HMCN1: variants seen among roughly 807,000 people sequenced by gnomAD.
HMCN1 encodes the protein hemicentin-1.
A neutral mutation model predicts 625.9 loss-of-function variants in HMCN1; 321 were observed. The observed-to-expected ratio is 0.51, with a 90% CI of 0.47 to 0.56. The LOEUF is 0.56. Ranked by LOEUF, HMCN1 falls within the 20% of genes least tolerant of loss-of-function variation. The probability of loss-of-function intolerance (pLI) is 0.00; values close to 1 mark genes in which losing one functional copy is unlikely to be tolerated. For missense variants in HMCN1, 6,588 were observed against 6,887.3 expected (o/e 0.96, Z 1.54); for synonymous variants, 2,425 against 2,417.6 (o/e 1.00, Z -0.09).
At chr1:186,009,778 C>CAGG (rs1286854439) in intron 30 of HMCN1, among the ~76,000 whole-genome samples, 1 of 152,062 alleles carries the variant, frequency 6.6e-6, no homozygotes, top group Non-Finnish European at 1.5e-5. Flanking sequence ...AATATCCTAT[C>CAGG]AGGAGATTGT....
chr1:186,171,979 C>G (rs1293732709), intron 101 of HMCN1, 27 bp from the exon 102 acceptor site: 2 of 1,607,666 alleles, frequency 1.2e-6, no homozygotes, highest in South Asian at 2.2e-5. Context: ...TTTTCTTAAT[C>G]TACATTACCT....
chr1:186,097,280 A>C (rs1419833604), intron 68 of HMCN1, among the ~76,000 whole-genome samples: 2 of 152,168 alleles, frequency 1.3e-5, no homozygotes, highest in African/African-American at 2.4e-5. Flanking sequence ...AATCCCATTT[A>C]CTGTCAGCCC....
At position 186,136,651 on chromosome 1, in the gene HMCN1, T is replaced by C. The variant is rs1649623544; in HGVS notation, c.13313-17T>C. On this transcript the variant is annotated splice_polypyrimidine_tract_variant and intron_variant, in intron 86 of 106. Coordinates refer to ENST00000271588, the MANE Select transcript of HMCN1 (RefSeq NM_031935.3). ...TAACTCCACAAAAACTGAGACACTA[T>C]GTGCTTTTTTCCGTAGGTCCTCCTA... 1.2e-6 allele frequency: 2 copies of C among 1,613,262 alleles called. No individual in the cohort carries two copies. The highest frequency in any genetic ancestry group is 1.7e-6 in the Non-Finnish European group (2 of 1,179,420).
chr1:186,021,310 T>C (rs574142184), intron 35 of HMCN1, among the ~76,000 whole-genome samples: 34 of 151,966 alleles, frequency 2.2e-4, no homozygotes, highest in African/African-American at 7.2e-4. Context: ...AGGGACAAGT[T>C]TGAGGTGAGA....
intron 1 of HMCN1, among the ~76,000 whole-genome samples, chr1:185,843,468 G>A (rs1010734629): frequency 6.6e-6 from 1 of 152,194 alleles, no homozygotes; most frequent in Admixed American, 6.5e-5. Flanking sequence ...GGCAGGAAGA[G>A]AGGACAAAGT....
intron 71 of HMCN1, among the ~76,000 whole-genome samples, chr1:186,110,116 G>A (rs572009446): frequency 3.9e-5 from 6 of 152,218 alleles, no homozygotes; most frequent in Admixed American, 2.0e-4. Flanking sequence ...AGAAGAGATT[G>A]TAGAAATCAT....
At chr1:186,093,080 T>C (rs900847975) in intron 64 of HMCN1, 54 bp from the exon 65 acceptor site, 2 of 1,609,764 alleles carry the variant, frequency 1.2e-6, no homozygotes, top group African/African-American at 1.3e-5. Context: ...TTCATGTACT[T>C]AGTGAAATAG....
At chr1:185,884,152 A>G (rs1664487759) in intron 4 of HMCN1, among the ~76,000 whole-genome samples, 1 of 151,770 alleles carries the variant, frequency 6.6e-6, no homozygotes, top group Admixed American at 6.6e-5. Flanking sequence ...GCCTCCTCTA[A>G]TTTCACCATG....
Position 185,953,382 on chromosome 1 carries a change from G to A in HMCN1, c.1829-9136G>A, listed in dbSNP as rs1037811630. On this transcript the variant is annotated intron_variant, in intron 11 of 106. Coordinates refer to ENST00000271588, the MANE Select transcript of HMCN1 (RefSeq NM_031935.3). ...AACGTGGGTGAATGATCAGAGAGGCGTCCCTGCAATGATTAAACACCAGGG... is the reference window on the plus strand; with the variant it reads ...AACGTGGGTGAATGATCAGAGAGGCATCCCTGCAATGATTAAACACCAGGG... 1.8e-4 allele frequency among the ~76,000 whole-genome samples: 27 copies of A among 151,986 alleles called. 1 individual carries two copies. Among genetic ancestry groups the A allele is most frequent in the Non-Finnish European group, 2.2e-4 (15 of 67,998 alleles).
chr1:185,749,846 G>C (rs923467125), intron 1 of HMCN1, among the ~76,000 whole-genome samples: 2 of 152,008 alleles, frequency 1.3e-5, no homozygotes, highest in African/African-American at 4.8e-5. Context: ...AAGCATATTG[G>C]CCTCTTTATT....
At chr1:186,105,895 G>T (rs1660586677) in intron 69 of HMCN1, among the ~76,000 whole-genome samples, 1 of 152,174 alleles carries the variant, frequency 6.6e-6, no homozygotes, top group African/African-American at 2.4e-5. Flanking sequence ...AGATTTTAAA[G>T]ATATGATGAG....
At chr1:185,873,614 A>C (rs1440519076) in intron 4 of HMCN1, among the ~76,000 whole-genome samples, 1 of 152,026 alleles carries the variant, frequency 6.6e-6, no homozygotes, top group African/African-American at 2.4e-5. Context: ...TTATATATTT[A>C]ATTTTAAGAT....
At chr1:186,101,662 T>G (rs958052634) in intron 68 of HMCN1, among the ~76,000 whole-genome samples, 2 of 152,092 alleles carry the variant, frequency 1.3e-5, no homozygotes, top group African/African-American at 4.8e-5. Flanking sequence ...GGGTTTGAAC[T>G]ACACAAGAGC....
intron 68 of HMCN1, among the ~76,000 whole-genome samples, chr1:186,102,736 T>G (rs1571354789): frequency 6.6e-6 from 1 of 152,132 alleles, no homozygotes; most frequent in Non-Finnish European, 1.5e-5. Flanking sequence ...TGTCAAATAG[T>G]AAGCTGGAAA....
chr1:185,954,623 G>C (rs556946136), intron 11 of HMCN1, among the ~76,000 whole-genome samples: 24 of 152,194 alleles, frequency 1.6e-4, no homozygotes, highest in African/African-American at 5.8e-4. Context: ...ATCTAAAAAT[G>C]TATGACCCCA....
chr1:185,896,524 T>C (rs1665499199), intron 4 of HMCN1, among the ~76,000 whole-genome samples: 1 of 152,224 alleles, frequency 6.6e-6, no homozygotes, highest in Non-Finnish European at 1.5e-5. Context: ...ATTTTACATG[T>C]TTACATAGAA....
chr1:186,090,527 A>T (rs1402070467), intron 63 of HMCN1, among the ~76,000 whole-genome samples: 1 of 152,006 alleles, frequency 6.6e-6, no homozygotes, highest in African/African-American at 2.4e-5. Flanking sequence ...TAGCTCTATC[A>T]CTAGCCCCTA....
At chr1:185,787,028 A>T (rs1657629992) in intron 1 of HMCN1, among the ~76,000 whole-genome samples, 2 of 152,106 alleles carry the variant, frequency 1.3e-5, no homozygotes, top group Admixed American at 1.3e-4. Flanking sequence ...ATGTAATTTA[A>T]TAAGCTAGAA....
chr1:186,084,264 T>C (rs1659342087), intron 57 of HMCN1, among the ~76,000 whole-genome samples: 2 of 152,164 alleles, frequency 1.3e-5, no homozygotes, highest in East Asian at 1.9e-4. Context: ...TGGTAGTTGC[T>C]AAATAAATGT....
Sources: allele counts gnomAD v4.1 joint callset (sites outside exome capture counted in the v4.1 genomes callset), GRCh38; gene constraint gnomAD v4.1.1; transcripts MANE v1.5; gene names NCBI Gene and HGNC (gene_info 2026-07-23, HGNC 2026-07-21).